Variants in RAP1A observed in about 807,000 individuals in gnomAD.
RAP1A encodes the protein RAP1A, member of RAS oncogene family.
In RAP1A, 6 loss-of-function variants were observed where a neutral mutation model predicts 26.4. The ratio of observed to expected loss-of-function variants is 0.23; its 90% CI spans 0.12 to 0.45. The LOEUF (loss-of-function observed/expected upper bound fraction) is 0.45, where lower values mean the gene tolerates loss of function less well. Ranked by LOEUF, RAP1A falls within the 20% of genes least tolerant of loss-of-function variation. RAP1A has a pLI of 0.99. For synonymous variants in RAP1A, 73 were observed against 79.4 expected (o/e 0.92, Z 0.43); for missense variants, 121 against 217.2 (o/e 0.56, Z 2.78).
chr1:111,701,846 G>T (rs551376782), intron 4 of RAP1A, among the ~76,000 whole-genome samples: 1 of 152,304 alleles, frequency 6.6e-6, no homozygotes, highest in East Asian at 1.9e-4. Context: ...TAAACATTTG[G>T]ACAGTGGCAG....
chr1:111,715,853 A>G lies in RAP1A; in HGVS notation c.*3452A>G, dbSNP rs1571583380. 6.6e-6 allele frequency: 1 copy of G among 152,250 alleles called. No individual in the cohort carries two copies. Among genetic ancestry groups the G allele is most frequent in the East Asian group, 1.9e-4 (1 of 5,204 alleles). The allele number at this position is 152,250 out of a possible 1,614,324, so 9.4% of individuals were successfully genotyped here. A position where few individuals can be genotyped will look rare whatever the true frequency, so the allele number is the denominator to read the frequency against. On this transcript the variant is annotated 3_prime_UTR_variant, in exon 8 of 8. Coordinates refer to ENST00000369709, the MANE Select transcript of RAP1A (RefSeq NM_002884.4). Reference sequence around the variant, plus strand: ...CATTTCCTGGACATGGCCAGTTTAAAATATTTTGCCCCATTACCCTTGTAG... The same window carrying G: ...CATTTCCTGGACATGGCCAGTTTAAGATATTTTGCCCCATTACCCTTGTAG...
intron 1 of RAP1A, among the ~76,000 whole-genome samples, chr1:111,561,583 T>C (rs939461562): frequency 1.2e-4 from 18 of 152,170 alleles, no homozygotes; most frequent in African/African-American, 4.3e-4. Flanking sequence ...CAAGGCCACA[T>C]GGTCAGGTCA....
At chr1:111,686,110 G>A (rs1172083584) in intron 1 of RAP1A, among the ~76,000 whole-genome samples, 1 of 148,086 alleles carries the variant, frequency 6.8e-6, no homozygotes, top group Non-Finnish European at 1.5e-5. Context: ...AAGGTCACAC[G>A]CCGGGGCCTG....
chr1:111,704,532 T>C, intron 6 of RAP1A, 46 bp downstream of exon 6: 1 of 1,524,112 alleles, frequency 6.6e-7, no homozygotes, highest in Non-Finnish European at 8.8e-7. Context: ...CTTTTTAGTT[T>C]GCTTTAAGTT....
At position 111,715,831 on chromosome 1, in the gene RAP1A, TTCCTGG is replaced by T. The variant is rs1402333717; in HGVS notation, c.*3431_*3436del. On this transcript the variant is annotated 3_prime_UTR_variant, in exon 8 of 8. Transcript: ENST00000369709. Reference sequence around the variant, plus strand: ...AGAATAGTAATAAGACATTCTACATTTCCTGGACATGGCCAGTTTAAAATATTTTGC... The same window carrying T: ...AGAATAGTAATAAGACATTCTACATTACATGGCCAGTTTAAAATATTTTGC... The T allele has an allele frequency of 1.3e-5, 2 of 152,264 alleles. No individual in the cohort carries two copies. The highest frequency in any genetic ancestry group is 2.9e-5 in the Non-Finnish European group (2 of 68,032). 9.4% of individuals were successfully genotyped at this position (152,264 alleles called of 1,614,324 possible).
intron 1 of RAP1A, among the ~76,000 whole-genome samples, chr1:111,639,621 T>C (rs1246592526): frequency 1.3e-5 from 2 of 151,940 alleles, no homozygotes; most frequent in Non-Finnish European, 2.9e-5. Flanking sequence ...ATGGTTTTAG[T>C]GTTCTGGAAG....
intron 1 of RAP1A, among the ~76,000 whole-genome samples, chr1:111,671,568 T>C (rs759714406): frequency 3.3e-5 from 5 of 152,100 alleles, no homozygotes; most frequent in Non-Finnish European, 7.4e-5. Flanking sequence ...TCCGCCTCCC[T>C]GGTTCAAGCG....
intron 1 of RAP1A, among the ~76,000 whole-genome samples, chr1:111,550,729 A>G (rs930591575): frequency 6.6e-6 from 1 of 152,222 alleles, no homozygotes; most frequent in African/African-American, 2.4e-5. Context: ...TCCTAGGCTC[A>G]AGCAGTCTTC....
upstream of RAP1A, among the ~76,000 whole-genome samples, chr1:111,616,741 C>A (rs1053249924): frequency 1.6e-4 from 24 of 152,150 alleles, no homozygotes; most frequent in African/African-American, 5.1e-4. Flanking sequence ...AACCCCCAAG[C>A]AATGGAGTGT....
chr1:111,632,313 T>C (rs962461843), intron 1 of RAP1A, among the ~76,000 whole-genome samples: 1 of 152,142 alleles, frequency 6.6e-6, no homozygotes, highest in Admixed American at 6.5e-5. Flanking sequence ...TTTCTAATCC[T>C]TCAAATTAAT....
intron 1 of RAP1A, among the ~76,000 whole-genome samples, chr1:111,561,642 T>G (rs567616605): frequency 6.6e-6 from 1 of 152,208 alleles, no homozygotes; most frequent in African/African-American, 2.4e-5. Flanking sequence ...AGGCCATTAC[T>G]CTTCTCTCCT....
chr1:111,585,138 C>T (rs1038071405), intron 1 of RAP1A, among the ~76,000 whole-genome samples: 9 of 152,156 alleles, frequency 5.9e-5, no homozygotes, highest in Non-Finnish European at 1.2e-4. Flanking sequence ...CCTCTGTTGC[C>T]GATTTAATCC....
chr1:111,619,997 G>T, intron 1 of RAP1A, 63 bp downstream of exon 1: 1 of 396,826 alleles, frequency 2.5e-6, no homozygotes. Context: ...GGTCGGCCGA[G>T]CCGAGGGTGA....
intron 7 of RAP1A, among the ~76,000 whole-genome samples, chr1:111,709,991 G>T (rs76763783): frequency 3.9e-5 from 6 of 152,112 alleles, no homozygotes; most frequent in African/African-American, 1.4e-4. Context: ...ATTTCTGTTG[G>T]GTATATATCT....
intron 1 of RAP1A, among the ~76,000 whole-genome samples, chr1:111,643,283 T>C (rs1659951406): frequency 6.6e-6 from 1 of 152,210 alleles, no homozygotes; most frequent in African/African-American, 2.4e-5. Context: ...AAACAGACAG[T>C]GGCCCAGATT....
chr1:111,617,681 G>C (rs561473612), upstream of RAP1A, among the ~76,000 whole-genome samples: 19 of 151,322 alleles, frequency 1.3e-4, no homozygotes, highest in Non-Finnish European at 1.9e-4. Context: ...TGATCCACCC[G>C]CCTTGGCCTC....
intron 1 of RAP1A, among the ~76,000 whole-genome samples, chr1:111,684,296 A>C (rs113692722): frequency 0.13 from 19,655 of 152,188 alleles, 1,605 homozygotes; most frequent in South Asian, 0.18. Context: ...AGTTCTGGCC[A>C]AGGCAGTCAG....
chr1:111,702,713 A>G (rs1413480090), intron 4 of RAP1A, among the ~76,000 whole-genome samples: 1 of 150,706 alleles, frequency 6.6e-6, no homozygotes, highest in African/African-American at 2.4e-5. Flanking sequence ...GGTGTGCACC[A>G]CTACGCCCGG....
Position 111,715,316 on chromosome 1 carries a change from T to TCCGC in RAP1A, c.*2918_*2921dup, listed in dbSNP as rs1222631846. 2.1e-5 allele frequency: 3 copies of TCCGC among 144,370 alleles called. No homozygotes were observed. The highest frequency in any genetic ancestry group is 8.3e-5 in the African/African-American group (3 of 36,344). The allele number at this position is 144,370 out of a possible 1,614,324, so 8.9% of individuals were successfully genotyped here. On this transcript the variant is annotated 3_prime_UTR_variant, in exon 8 of 8. Coordinates refer to ENST00000369709, the MANE Select transcript of RAP1A (RefSeq NM_002884.4). Reference sequence around the variant, plus strand: ...TGGTCTTGAACTCCTGACTTCGTGATCCGCCCCCCCCTCAGCCTCCCAAAG... The same window carrying TCCGC: ...TGGTCTTGAACTCCTGACTTCGTGATCCGCCCGCCCCCCCCTCAGCCTCCCAAAG...
Sources: allele counts gnomAD v4.1 joint callset (sites outside exome capture counted in the v4.1 genomes callset), GRCh38; gene constraint gnomAD v4.1.1; transcripts MANE v1.5; gene names NCBI Gene and HGNC (gene_info 2026-07-23, HGNC 2026-07-21).